The following MTUS2 variants were observed in gnomAD, a reference collection of about 807,000 sequenced individuals.
The protein encoded by MTUS2 is microtubule associated scaffold protein 2.
MTUS2 carries 40 observed loss-of-function variants against 114.1 expected under a neutral mutation model. The ratio of observed to expected loss-of-function variants is 0.35; its 90% confidence interval spans 0.27 to 0.46. The LOEUF is 0.46. Among genes scored for constraint, MTUS2 ranks in the 20% least tolerant of loss-of-function variants. The pLI, the probability that MTUS2 is intolerant of heterozygous loss-of-function variation, is 1.00. For synonymous variants in MTUS2, 688 were observed against 672.0 expected, an observed-to-expected ratio of 1.02 and a Z score of -0.37; for missense variants, 1,679 against 1,705.4, an observed-to-expected ratio of 0.98 and a Z score of 0.27.
intron 7 of MTUS2, among the ~76,000 whole-genome samples, chr13:29,352,299 C>T (rs1394268823): frequency 6.6e-6 from 1 of 152,144 alleles, no homozygotes; most frequent in Admixed American, 6.5e-5. Flanking sequence ...AGCACCAACA[C>T]GTCAGAGCTC....
chr13:29,134,634 G>T (rs1261455574), intron 5 of MTUS2, among the ~76,000 whole-genome samples: 1 of 151,884 alleles, frequency 6.6e-6, no homozygotes, highest in East Asian at 1.9e-4. Context: ...TTTCACTGTT[G>T]TCACCCAGGC....
chr13:29,090,522 G>A (rs1368641055), intron 4 of MTUS2, among the ~76,000 whole-genome samples: 1 of 152,230 alleles, frequency 6.6e-6, no homozygotes, highest in African/African-American at 2.4e-5. Context: ...AGTGAAGGAA[G>A]GCTGTAGCTG....
At chr13:28,923,938 C>G (rs1241590403) in intron 2 of MTUS2, among the ~76,000 whole-genome samples, 1 of 152,082 alleles carries the variant, frequency 6.6e-6, no homozygotes, top group African/African-American at 2.4e-5. Flanking sequence ...CTTCTCCACC[C>G]TCCCCACCGT....
intron 9 of MTUS2, among the ~76,000 whole-genome samples, chr13:29,478,773 A>G (rs2138884786): frequency 6.6e-6 from 1 of 152,238 alleles, no homozygotes; most frequent in Non-Finnish European, 1.5e-5. Flanking sequence ...CCATTAAATG[A>G]TGGGATGTGG....
chr13:28,870,532 A>G (rs957767092), intron 2 of MTUS2, among the ~76,000 whole-genome samples: 2 of 152,114 alleles, frequency 1.3e-5, no homozygotes, highest in Admixed American at 6.6e-5. Context: ...CAGGTTATGG[A>G]TATCTGTGCT....
chr13:29,200,202 C>G (rs747084362), intron 5 of MTUS2, among the ~76,000 whole-genome samples: 17 of 151,838 alleles, frequency 1.1e-4, no homozygotes, highest in Non-Finnish European at 1.9e-4. Context: ...CAGTTCTGCT[C>G]TGATCTTAGT....
At chr13:29,377,091 C>T (rs917734381) in intron 8 of MTUS2, among the ~76,000 whole-genome samples, 2 of 152,216 alleles carry the variant, frequency 1.3e-5, no homozygotes, top group South Asian at 2.1e-4. Context: ...TAACTACAGA[C>T]CTTTAAAGCA....
intron 4 of MTUS2, among the ~76,000 whole-genome samples, chr13:29,058,229 T>G (rs7317087): frequency 0.55 from 81,237 of 147,302 alleles, 23,311 homozygotes; most frequent in South Asian, 0.73. Flanking sequence ...CATTTTGACT[T>G]TGGAGAATTT....
At chr13:29,354,467 A>G (rs574905296) in intron 7 of MTUS2, among the ~76,000 whole-genome samples, 1 of 152,278 alleles carries the variant, frequency 6.6e-6, no homozygotes, top group South Asian at 2.1e-4. Context: ...AGTTGAAAAT[A>G]CTGTATGCCA....
chr13:29,459,702 T>A (rs1879353593), intron 9 of MTUS2, among the ~76,000 whole-genome samples: 1 of 152,208 alleles, frequency 6.6e-6, no homozygotes, highest in South Asian at 2.1e-4. Context: ...TTTTTTAGCA[T>A]GCAAAAAATA....
chr13:28,907,599 A>C (rs1880118741), intron 2 of MTUS2, among the ~76,000 whole-genome samples: 1 of 151,500 alleles, frequency 6.6e-6, no homozygotes, highest in Admixed American at 6.6e-5. Flanking sequence ...CAGGGGTTGC[A>C]ATCCTAGTCT....
Position 29,480,977 on chromosome 13 carries a change from G to A in MTUS2, c.3399+613G>A, listed in dbSNP as rs1881122989. ...ACACGGAAGAAAGCCAAGCCCCCAT[G>A]GTTCAATAATTTGCCAGAATTCACA... is the stretch of plus-strand genomic sequence containing the variant. On this transcript the variant is annotated intron_variant, in intron 10 of 15. Coordinates refer to ENST00000612955, the MANE Select transcript of MTUS2 (RefSeq NM_001033602.4). This position sits in a 1 kb window ranked among gnomAD's most constrained non-coding sequence, Gnocchi z 4.4. Among the ~76,000 whole-genome samples the A allele has an allele frequency of 6.6e-6, 1 of 152,104 alleles. No individual in the cohort carries two copies. The highest frequency in any genetic ancestry group is 1.5e-5 in the Non-Finnish European group (1 of 68,022).
chr13:29,426,321 A>T (rs1034848907), intron 8 of MTUS2, among the ~76,000 whole-genome samples: 1 of 152,240 alleles, frequency 6.6e-6, no homozygotes, highest in Non-Finnish European at 1.5e-5. Context: ...TTTCAACTTA[A>T]CGGTATTTTC....
intron 8 of MTUS2, among the ~76,000 whole-genome samples, chr13:29,361,061 G>A (rs1870204155): frequency 6.6e-6 from 1 of 152,166 alleles, no homozygotes. Flanking sequence ...GCAGGGGAGA[G>A]AGTAACTGCC....
intron 2 of MTUS2, among the ~76,000 whole-genome samples, chr13:28,879,154 G>A (rs1878135028): frequency 6.6e-6 from 1 of 151,954 alleles, no homozygotes; most frequent in Non-Finnish European, 1.5e-5. Context: ...TGTGTCCTTT[G>A]CTCACTTTTA....
chr13:29,191,495 G>A (rs1894447852), intron 5 of MTUS2, among the ~76,000 whole-genome samples: 1 of 152,102 alleles, frequency 6.6e-6, no homozygotes, highest in South Asian at 2.1e-4. Flanking sequence ...TGTGTGCCTT[G>A]TGTGCCCTGT....
intron 8 of MTUS2, among the ~76,000 whole-genome samples, chr13:29,394,005 C>T (rs1342246907): frequency 6.6e-6 from 1 of 152,166 alleles, no homozygotes; most frequent in African/African-American, 2.4e-5. Flanking sequence ...TTGCCCTAAA[C>T]AGTTTTCAGC....
At chr13:29,009,352 C>CACTGTT (rs1885739151) in intron 2 of MTUS2, among the ~76,000 whole-genome samples, 1 of 150,944 alleles carries the variant, frequency 6.6e-6, no homozygotes, top group East Asian at 2.0e-4. Context: ...ATGTATTGTA[C>CACTGTT]ACTATTAACT....
At chr13:29,338,820 G>C (rs1450093890) in intron 7 of MTUS2, among the ~76,000 whole-genome samples, 1 of 152,218 alleles carries the variant, frequency 6.6e-6, no homozygotes, top group Admixed American at 6.5e-5. Flanking sequence ...TGGAGGATAT[G>C]CCTGCCTCCT....
Sources: allele counts gnomAD v4.1 joint callset (sites outside exome capture counted in the v4.1 genomes callset), GRCh38; gene constraint gnomAD v4.1.1; non-coding constraint Gnocchi (gnomAD v3.1); transcripts MANE v1.5; gene names NCBI Gene and HGNC (gene_info 2026-07-23, HGNC 2026-07-21).